The following KIF16B variants were observed in gnomAD, a reference collection of about 807,000 sequenced individuals.
KIF16B encodes the protein kinesin family member 16B.
In KIF16B, 98 loss-of-function variants were observed where a neutral mutation model predicts 156.3. The observed-to-expected ratio is 0.63, with a 90% confidence interval of 0.53 to 0.74. The LOEUF is 0.74. KIF16B is among the 30% of genes least tolerant of loss of function. The pLI is 0.00. For synonymous variants in KIF16B, 564 were observed against 583.7 expected (o/e 0.97, Z 0.49); for missense variants, 1,421 against 1,606.5 (o/e 0.88, Z 1.97).
intron 23 of KIF16B, among the ~76,000 whole-genome samples, chr20:16,344,941 T>G (rs892257880): frequency 6.6e-6 from 1 of 152,188 alleles, no homozygotes; most frequent in Non-Finnish European, 1.5e-5. Context: ...CACTTAATTT[T>G]CCTGATTCAC....
intron 17 of KIF16B, among the ~76,000 whole-genome samples, chr20:16,386,409 G>C (rs1304683917): frequency 4.6e-5 from 7 of 152,022 alleles, no homozygotes; most frequent in Non-Finnish European, 1.0e-4. Context: ...CCTTCATGAC[G>C]TGGAGGTTCA....
intron 15 of KIF16B, among the ~76,000 whole-genome samples, chr20:16,426,423 G>C (rs1363227391): frequency 6.6e-6 from 1 of 152,150 alleles, no homozygotes; most frequent in Non-Finnish European, 1.5e-5. Context: ...AGAAGAGAGA[G>C]AGGTAACAAC....
In KIF16B at chr20:16,380,182, A is replaced by T. The variant is rs949890597; in HGVS notation, c.1839-19T>A. On this transcript the variant is annotated intron_variant, in intron 18 of 25. Transcript: ENST00000354981. The stretch of plus-strand genomic sequence containing the variant: ...GAGTTTCCTGAAATGCAAAGCACTG[A>T]CTGGTTGTTATCTGGTCATTGTTCA... 1 of 1,491,090 alleles carries T rather than the reference A, an allele frequency of 6.7e-7. No individual in the cohort carries two copies. 92.4% of individuals were successfully genotyped at this position (1,491,090 alleles called of 1,614,324 possible).
At chr20:16,444,067 A>C (rs2066870110) in intron 12 of KIF16B, among the ~76,000 whole-genome samples, 1 of 152,232 alleles carries the variant, frequency 6.6e-6, no homozygotes, top group South Asian at 2.1e-4. Context: ...ACTTCTCACA[A>C]CTACAGTCAG....
chr20:16,557,225 G>C (rs974630256), intron 1 of KIF16B, among the ~76,000 whole-genome samples: 8 of 151,566 alleles, frequency 5.3e-5, no homozygotes, highest in African/African-American at 1.9e-4. Context: ...CTGTCACCCA[G>C]GCTGGAGTGC....
At chr20:16,331,274 GA>G (rs1052911404) in intron 24 of KIF16B, among the ~76,000 whole-genome samples, 1 of 152,080 alleles carries the variant, frequency 6.6e-6, no homozygotes. Context: ...ATTACCAAAA[GA>G]AAACAAATCT....
rs368695988 is a variant in KIF16B at position 16,535,109 on chromosome 20, T to C, written c.48-6669A>G. ...AGCAGTATGGTCATTTTAACAATAT[T>C]AATTCTTCTGATCCATGAGCATGAG... On this transcript the variant is annotated intron_variant, in intron 1 of 25. Coordinates refer to ENST00000354981, the MANE Select transcript of KIF16B (RefSeq NM_024704.5). Among the ~76,000 whole-genome samples, 5 of 152,300 alleles carry C rather than the reference T, an allele frequency of 3.3e-5. No individual in the cohort carries two copies. The South Asian group carries it at 1.0e-3, about 32-fold the overall frequency.
intron 3 of KIF16B, among the ~76,000 whole-genome samples, chr20:16,525,163 T>A (rs2069494276): frequency 6.6e-6 from 1 of 152,026 alleles, no homozygotes; most frequent in Non-Finnish European, 1.5e-5. Context: ...TATCCCAGAA[T>A]TAAAGCATAA....
chr20:16,444,886 C>T (rs1375021352), intron 12 of KIF16B, among the ~76,000 whole-genome samples: 1 of 152,042 alleles, frequency 6.6e-6, no homozygotes, highest in African/African-American at 2.4e-5. Flanking sequence ...TCAGAAACAA[C>T]AAAAAAACCT....
At position 16,505,650 on chromosome 20, in the gene KIF16B, T is replaced by C; in HGVS notation, c.1000+72A>G. The C allele has an allele frequency of 7.1e-7, 1 of 1,417,720 alleles. No homozygotes were observed. Among genetic ancestry groups the C allele is most frequent in the South Asian group, 1.3e-5 (1 of 80,000 alleles). The allele number at this position is 1,417,720 out of a possible 1,614,324, so 87.8% of individuals were successfully genotyped here. ...AAGGTGCTATTTCCTAATAAGACAC[T>C]TTAAACTTAAATATTTACAGTTAAT... On this transcript the variant is annotated intron_variant, in intron 9 of 25. Transcript: ENST00000354981.
chr20:16,505,337 T>TC (rs1199697358), intron 9 of KIF16B, among the ~76,000 whole-genome samples: 16 of 152,198 alleles, frequency 1.1e-4, no homozygotes, highest in Admixed American at 5.9e-4. Context: ...GGTTTTTTTT[T>TC]CCCCTCCCAA....
At chr20:16,403,421 GAATGTTCTCCCATT>G (rs2065705305) in intron 17 of KIF16B, among the ~76,000 whole-genome samples, 1 of 152,210 alleles carries the variant, frequency 6.6e-6, no homozygotes, top group African/African-American at 2.4e-5. Context: ...GTTGCTCTGA[GAATGTTCTCCCATT>G]TCAGAGGTCT....
chr20:16,322,590 G>GT (rs748750151), intron 24 of KIF16B, among the ~76,000 whole-genome samples: 1 of 151,944 alleles, frequency 6.6e-6, no homozygotes, highest in Non-Finnish European at 1.5e-5. Flanking sequence ...TGCTGATACT[G>GT]TAATATTTCT....
chr20:16,382,537 C>T (rs1011724081), intron 17 of KIF16B, among the ~76,000 whole-genome samples: 11 of 152,132 alleles, frequency 7.2e-5, no homozygotes, highest in African/African-American at 2.7e-4. Flanking sequence ...AGATTGTGAA[C>T]AGATTCATAG....
chr20:16,389,627 G>A (rs1222377116), intron 17 of KIF16B, among the ~76,000 whole-genome samples: 1 of 152,208 alleles, frequency 6.6e-6, no homozygotes, highest in Non-Finnish European at 1.5e-5. Flanking sequence ...AAATCCCATG[G>A]AGACTAGGGG....
intron 17 of KIF16B, among the ~76,000 whole-genome samples, chr20:16,386,767 C>T (rs2065240104): frequency 1.3e-5 from 2 of 151,934 alleles, no homozygotes; most frequent in Non-Finnish European, 2.9e-5. Flanking sequence ...GGGTGCAGCC[C>T]AGACCAAATT....
chr20:16,427,776 T>C (rs2066394870), intron 14 of KIF16B, among the ~76,000 whole-genome samples: 1 of 152,154 alleles, frequency 6.6e-6, no homozygotes, highest in Non-Finnish European at 1.5e-5. Context: ...AGATGCCTGT[T>C]GCCTGAGCCT....
chr20:16,460,132 C>T (rs751654275), intron 12 of KIF16B, among the ~76,000 whole-genome samples: 43 of 152,252 alleles, frequency 2.8e-4, no homozygotes, highest in Non-Finnish European at 5.0e-4. Flanking sequence ...TAGTAACATG[C>T]TTTTAAGATA....
At chr20:16,466,502 C>T (rs116599520) in intron 12 of KIF16B, among the ~76,000 whole-genome samples, 69 of 152,238 alleles carry the variant, frequency 4.5e-4, no homozygotes, top group African/African-American at 1.4e-3. Flanking sequence ...GTTCTCTTGA[C>T]GGTGAATAAG....
Sources: allele counts gnomAD v4.1 joint callset (sites outside exome capture counted in the v4.1 genomes callset), GRCh38; gene constraint gnomAD v4.1.1; transcripts MANE v1.5; gene names NCBI Gene and HGNC (gene_info 2026-07-23, HGNC 2026-07-21).